The following CA10 variants were observed in gnomAD, a reference collection of about 807,000 sequenced individuals.
CA10 encodes carbonic anhydrase-related protein 10.
A neutral mutation model predicts 44.2 loss-of-function variants in CA10; 14 were observed. The observed-to-expected ratio is 0.32, with a 90% CI of 0.21 to 0.50. The LOEUF is 0.50. CA10 is among the 20% of genes least tolerant of loss of function. The pLI is 0.99. For missense variants in CA10, 350 were observed against 409.7 expected (o/e 0.85, Z 1.26); for synonymous variants, 159 against 141.6 (o/e 1.12, Z -0.87).
chr17:51,807,177 G>C (rs1357045590), intron 3 of CA10, among the ~76,000 whole-genome samples: 1 of 152,210 alleles, frequency 6.6e-6, no homozygotes, highest in African/African-American at 2.4e-5. Flanking sequence ...AGAAAGCAAT[G>C]GTTGTCTCTA....
intron 1 of CA10, among the ~76,000 whole-genome samples, chr17:52,084,242 G>A (rs1024935467): frequency 8.5e-5 from 13 of 152,164 alleles, no homozygotes; most frequent in Non-Finnish European, 2.9e-5. Flanking sequence ...GACCTATTAA[G>A]TCAATTTGCC....
At chr17:52,080,489 TAAA>T (rs1329172750) in intron 1 of CA10, among the ~76,000 whole-genome samples, 1 of 148,320 alleles carries the variant, frequency 6.7e-6, no homozygotes, top group Non-Finnish European at 1.5e-5. Context: ...AATAAATAAA[TAAA>T]TAAATAAATA....
At chr17:52,076,900 A>C (rs532670716) in intron 1 of CA10, among the ~76,000 whole-genome samples, 4 of 152,172 alleles carry the variant, frequency 2.6e-5, no homozygotes, top group Non-Finnish European at 4.4e-5. Flanking sequence ...ACAGCATTCT[A>C]TGCTCCTCTT....
chr17:51,956,889 C>T (rs149863862), intron 2 of CA10, among the ~76,000 whole-genome samples: 2 of 152,128 alleles, frequency 1.3e-5, no homozygotes, highest in Admixed American at 6.5e-5. Flanking sequence ...GGCCCTTTAG[C>T]GTCTGCCAAG....
intron 3 of CA10, among the ~76,000 whole-genome samples, chr17:51,861,949 G>A (rs1023703707): frequency 2.6e-5 from 4 of 152,138 alleles, no homozygotes; most frequent in African/African-American, 7.2e-5. Context: ...GGCTAGAAAG[G>A]GTTCAAGACA....
intron 4 of CA10, among the ~76,000 whole-genome samples, chr17:51,674,048 C>T (rs1023091136): frequency 6.6e-6 from 1 of 152,206 alleles, no homozygotes; most frequent in African/African-American, 2.4e-5. Flanking sequence ...TAGAGATGCT[C>T]ATGCATGCCT....
intron 4 of CA10, among the ~76,000 whole-genome samples, chr17:51,731,152 G>C (rs1916700602): frequency 1.3e-5 from 2 of 152,156 alleles, no homozygotes; most frequent in Non-Finnish European, 2.9e-5. Context: ...GCCAAGGTGG[G>C]TAGATCATGA....
At chr17:51,834,474 G>A (rs539913790) in intron 3 of CA10, among the ~76,000 whole-genome samples, 20 of 152,290 alleles carry the variant, frequency 1.3e-4, no homozygotes, top group African/African-American at 2.9e-4. Flanking sequence ...AAGGGAAGTC[G>A]CTTGTTGTCC....
chr17:51,725,078 G>A (rs567270283), intron 4 of CA10, among the ~76,000 whole-genome samples: 4 of 152,316 alleles, frequency 2.6e-5, no homozygotes, highest in East Asian at 1.9e-4. Context: ...TCGAAGAGGT[G>A]AAGTCTAAGG....
In CA10 at chr17:51,690,036, C is replaced by T. The variant is rs552576182; in HGVS notation, c.466-36300G>A. Among the ~76,000 whole-genome samples, 8 of 152,212 alleles carry T rather than the reference C, an allele frequency of 5.3e-5. No homozygotes were observed. In the East Asian group the frequency reaches 1.4e-3, roughly 26 times the overall value. On this transcript the variant is annotated intron_variant, in intron 4 of 8. Coordinates refer to ENST00000451037, the MANE Select transcript of CA10 (RefSeq NM_020178.5). ...GATCTTGGCTCACTGCAACCACCAC[C>T]TCCCAGGTTCAAGTGATTCTCCTGC...
At chr17:51,934,589 G>A (rs1221353776) in intron 2 of CA10, among the ~76,000 whole-genome samples, 3 of 152,044 alleles carry the variant, frequency 2.0e-5, no homozygotes, top group African/African-American at 4.8e-5. Context: ...GATTTTAAAG[G>A]AGCCATACAA....
At chr17:51,966,200 A>G (rs1247891967) in intron 2 of CA10, among the ~76,000 whole-genome samples, 2 of 151,992 alleles carry the variant, frequency 1.3e-5, no homozygotes, top group African/African-American at 2.4e-5. Flanking sequence ...ACACTGCTCA[A>G]TGAAATCACA....
intron 2 of CA10, among the ~76,000 whole-genome samples, chr17:51,956,909 G>A (rs1344795172): frequency 1.3e-5 from 2 of 152,056 alleles, no homozygotes; most frequent in Admixed American, 6.6e-5. Flanking sequence ...GCTCTTCCCA[G>A]TCTCAAGAAT....
chr17:52,147,432 A>T (rs1989612599), intron 1 of CA10, among the ~76,000 whole-genome samples: 1 of 151,928 alleles, frequency 6.6e-6, no homozygotes, highest in Non-Finnish European at 1.5e-5. Context: ...GATGTGGCAC[A>T]TTATATGCCT....
intron 3 of CA10, among the ~76,000 whole-genome samples, chr17:51,815,083 G>A (rs892665578): frequency 6.6e-6 from 1 of 152,104 alleles, no homozygotes; most frequent in Non-Finnish European, 1.5e-5. Context: ...TAAAACAGCA[G>A]TGCTCATCTA....
At chr17:51,721,633 C>T (rs961625488) in intron 4 of CA10, among the ~76,000 whole-genome samples, 3 of 151,804 alleles carry the variant, frequency 2.0e-5, no homozygotes, top group South Asian at 4.2e-4. Context: ...CCGCACCTGG[C>T]CAGTTGAAAA....
intron 1 of CA10, among the ~76,000 whole-genome samples, chr17:52,154,069 C>T (rs1285803023): frequency 6.6e-6 from 1 of 152,190 alleles, no homozygotes; most frequent in Non-Finnish European, 1.5e-5. Flanking sequence ...AACTCAAATG[C>T]TACCTTAATT....
At chr17:51,838,968 C>T (rs576868139) in intron 3 of CA10, among the ~76,000 whole-genome samples, 14 of 152,238 alleles carry the variant, frequency 9.2e-5, no homozygotes, top group African/African-American at 3.4e-4. Flanking sequence ...GTGTGCTTAC[C>T]ACCAAAGTCA....
In CA10 at chr17:52,147,723, T is replaced by C. The variant is rs180927685; in HGVS notation, c.61+10003A>G. Among the ~76,000 whole-genome samples, 51 of 152,298 alleles carry C rather than the reference T, an allele frequency of 3.3e-4. 2 individuals carry two copies. Among genetic ancestry groups the C allele is most frequent in the Admixed American group, 3.0e-3 (46 of 15,294 alleles). On this transcript the variant is annotated intron_variant, in intron 1 of 8. Transcript: ENST00000451037. ...AACTTAAGAGCCAGTATCATTATGG[T>C]GCATTACAAGACTTAGACATCAAGT...
Sources: allele counts gnomAD v4.1 joint callset (sites outside exome capture counted in the v4.1 genomes callset), GRCh38; gene constraint gnomAD v4.1.1; transcripts MANE v1.5; gene names NCBI Gene and HGNC (gene_info 2026-07-23, HGNC 2026-07-21).